CEP128: variants seen among roughly 807,000 people sequenced by gnomAD.
CEP128 encodes the protein centrosomal protein 128kDa.
In CEP128, 132 loss-of-function variants were observed where a neutral mutation model predicts 156.7. The observed-to-expected ratio is 0.84, with a 90% confidence interval of 0.73 to 0.97. The LOEUF is 0.97. CEP128 is among the 50% of genes least tolerant of loss of function. The pLI is 0.00. For missense variants in CEP128, 1,252 were observed against 1,281.9 expected (o/e 0.98, Z 0.36); for synonymous variants, 469 against 448.9 (o/e 1.04, Z -0.57).
chr14:80,824,981 G>A (rs896407140), intron 13 of CEP128, among the ~76,000 whole-genome samples: 6 of 152,162 alleles, frequency 3.9e-5, no homozygotes, highest in African/African-American at 1.2e-4. Context: ...CACGTGGCTG[G>A]GGGAGCTTCA....
chr14:80,707,028 T>C (rs1187019666), intron 19 of CEP128, among the ~76,000 whole-genome samples: 1 of 152,184 alleles, frequency 6.6e-6, no homozygotes, highest in Non-Finnish European at 1.5e-5. Context: ...GTGACAGAGA[T>C]TGTTCAGGAA....
intron 7 of CEP128, among the ~76,000 whole-genome samples, chr14:80,897,400 C>T (rs1001142673): frequency 1.3e-5 from 2 of 152,116 alleles, no homozygotes; most frequent in African/African-American, 4.8e-5. Context: ...CCATGCTGAC[C>T]ACTCTTAAAT....
chr14:80,929,649 A>C (rs1885342894), intron 2 of CEP128, among the ~76,000 whole-genome samples: 1 of 152,164 alleles, frequency 6.6e-6, no homozygotes. Context: ...CTCACTTACA[A>C]GTGGGAGCTA....
chr14:80,621,014 C>T lies in CEP128; in HGVS notation c.2807-40591G>A, dbSNP rs112790169. 9.3e-3 allele frequency among the ~76,000 whole-genome samples: 1,415 copies of T among 152,226 alleles called. 13 individuals are homozygous for T. Among genetic ancestry groups the T allele is most frequent in the Non-Finnish European group, 0.016 (1,055 of 68,002 alleles). On this transcript the variant is annotated intron_variant, in intron 19 of 24. Transcript: ENST00000555265. ...ACCAAATTCAGGATAATTGTCACATCTAAAGCCTGAGGGAAAGGAAAGGAA... is the reference window on the plus strand; with the variant it reads ...ACCAAATTCAGGATAATTGTCACATTTAAAGCCTGAGGGAAAGGAAAGGAA...
intron 20 of CEP128, among the ~76,000 whole-genome samples, chr14:80,560,627 G>A (rs1368564335): frequency 6.6e-6 from 1 of 152,084 alleles, no homozygotes; most frequent in Non-Finnish European, 1.5e-5. Flanking sequence ...AGTGGGCTGA[G>A]GAAGGCAGAC....
At chr14:80,917,911 T>C (rs576591010) in intron 2 of CEP128, among the ~76,000 whole-genome samples, 13 of 152,300 alleles carry the variant, frequency 8.5e-5, no homozygotes, top group African/African-American at 3.1e-4. Flanking sequence ...AGTCTGTTAC[T>C]GCTGTATCAA....
At chr14:80,755,081 G>A (rs1486998065) in intron 18 of CEP128, among the ~76,000 whole-genome samples, 1 of 152,076 alleles carries the variant, frequency 6.6e-6, no homozygotes, top group African/African-American at 2.4e-5. Context: ...AATCTGGGTG[G>A]GCACAATCTA....
At chr14:80,868,485 G>GA (rs1379702868) in intron 8 of CEP128, among the ~76,000 whole-genome samples, 3 of 151,542 alleles carry the variant, frequency 2.0e-5, no homozygotes, top group African/African-American at 7.3e-5. Flanking sequence ...TAACCACAAA[G>GA]AAAAAAACTT....
chr14:80,653,250 G>C (rs1313074416), intron 19 of CEP128, among the ~76,000 whole-genome samples: 1 of 152,020 alleles, frequency 6.6e-6, no homozygotes, highest in African/African-American at 2.4e-5. Flanking sequence ...GGGTTGATGG[G>C]TGCAGCAAAT....
At chr14:80,562,655 C>CTTTT (rs1170778718) in intron 20 of CEP128, among the ~76,000 whole-genome samples, 176 of 114,352 alleles carry the variant, frequency 1.5e-3, no homozygotes, top group African/African-American at 3.6e-3. Flanking sequence ...CTTTTCTTTT[C>CTTTT]TTTTTTTTTT....
intron 20 of CEP128, among the ~76,000 whole-genome samples, chr14:80,561,352 C>T (rs911327490): frequency 6.6e-5 from 10 of 152,138 alleles, no homozygotes; most frequent in Middle Eastern, 3.2e-3. Context: ...TGTATATTGT[C>T]ACATTTGAGC....
intron 20 of CEP128, among the ~76,000 whole-genome samples, chr14:80,563,408 A>G (rs1490101278): frequency 6.6e-6 from 1 of 152,152 alleles, no homozygotes; most frequent in Admixed American, 6.6e-5. Flanking sequence ...AGAGTCTAAT[A>G]AAACTTGACA....
Position 80,582,520 on chromosome 14 carries a change from C to T in CEP128, c.2807-2097G>A, listed in dbSNP as rs73328649. ...CCTCTAAACTTTATGTCATTCCACT[C>T]AAGATGAAACTTCATAAAGAGAACA... On this transcript the variant is annotated intron_variant, in intron 19 of 24. Transcript: ENST00000555265. Among the ~76,000 whole-genome samples, 875 of 152,040 alleles carry T rather than the reference C, an allele frequency of 5.8e-3. 5 individuals are homozygous for T. The highest frequency in any genetic ancestry group is 0.02 in the African/African-American group (814 of 41,488).
intron 23 of CEP128, among the ~76,000 whole-genome samples, chr14:80,516,310 A>G (rs1372808844): frequency 6.6e-6 from 1 of 152,180 alleles, no homozygotes; most frequent in Non-Finnish European, 1.5e-5. Context: ...CTGGTGCCCT[A>G]TTCTACTATG....
At chr14:80,761,257 C>T (rs991616498) in intron 17 of CEP128, among the ~76,000 whole-genome samples, 180 bp downstream of exon 17, 2 of 148,366 alleles carry the variant, frequency 1.3e-5, no homozygotes, top group Non-Finnish European at 3.0e-5. Flanking sequence ...TAACATCATT[C>T]GTTCTCTCAC....
intron 21 of CEP128, among the ~76,000 whole-genome samples, chr14:80,537,003 G>T (rs1889514708): frequency 6.6e-6 from 1 of 152,164 alleles, no homozygotes. Flanking sequence ...ACATCTAAAA[G>T]AGTTTTTGTC....
chr14:80,909,679 C>A (rs1884094443), intron 4 of CEP128, among the ~76,000 whole-genome samples: 1 of 152,020 alleles, frequency 6.6e-6, no homozygotes, highest in Non-Finnish European at 1.5e-5. Flanking sequence ...GCACCTAAAA[C>A]ATAAAACTAA....
intron 19 of CEP128, among the ~76,000 whole-genome samples, chr14:80,683,410 AAGACT>A (rs1896400615): frequency 6.6e-6 from 1 of 150,428 alleles, no homozygotes; most frequent in African/African-American, 2.5e-5. Context: ...ATCCAACAAG[AAGACT>A]TACCTATCCT....
intron 2 of CEP128, among the ~76,000 whole-genome samples, chr14:80,924,280 A>G (rs369214486): frequency 6.6e-6 from 1 of 152,306 alleles, no homozygotes; most frequent in South Asian, 2.1e-4. Context: ...CTGTAACTTC[A>G]TCTCCTCAAA....
Sources: gnomAD v4.1 joint callset for allele counts (sites outside exome capture counted in the v4.1 genomes callset) on GRCh38, gnomAD v4.1.1 for gene constraint, MANE v1.5 for transcripts, NCBI Gene and HGNC (gene_info 2026-07-23, HGNC 2026-07-21) for gene names.